Variants in CBL observed in about 807,000 individuals in gnomAD.
CBL encodes the protein E3 ubiquitin-protein ligase CBL.
Under a neutral mutation model 96.9 loss-of-function variants are expected in CBL, and 45 were observed. The observed-to-expected ratio is 0.46, with a 90% CI of 0.37 to 0.60. The LOEUF (loss-of-function observed/expected upper bound fraction) is 0.60, where lower values mean the gene tolerates loss of function less well. Ranked by LOEUF, CBL falls within the 20% of genes least tolerant of loss-of-function variation. The pLI is 0.00. For synonymous variants in CBL, 420 were observed against 426.8 expected (o/e 0.98, Z 0.20); for missense variants, 1,024 against 1,143.5 (o/e 0.90, Z 1.51).
intron 1 of CBL, among the ~76,000 whole-genome samples, chr11:119,214,656 G>GT (rs1308131319): frequency 6.6e-6 from 1 of 152,202 alleles, no homozygotes; most frequent in Admixed American, 6.5e-5. Flanking sequence ...ATGTGTGCTA[G>GT]TTACTTTGTG....
At chr11:119,254,996 T>C (rs1290089903) in intron 2 of CBL, among the ~76,000 whole-genome samples, 1 of 152,154 alleles carries the variant, frequency 6.6e-6, no homozygotes. Flanking sequence ...TAGGAGCAGG[T>C]ACACAGTTCT....
chr11:119,238,894 A>G (rs1949565209), intron 2 of CBL, among the ~76,000 whole-genome samples: 1 of 152,118 alleles, frequency 6.6e-6, no homozygotes, highest in Non-Finnish European at 1.5e-5. Flanking sequence ...CATTTTGGGG[A>G]TTACTGCCAT....
At chr11:119,235,442 TA>T (rs1442888567) in intron 2 of CBL, among the ~76,000 whole-genome samples, 1 of 152,170 alleles carries the variant, frequency 6.6e-6, no homozygotes, top group Non-Finnish European at 1.5e-5. Flanking sequence ...ATAAGGAAGA[TA>T]AAACATTTAT....
At chr11:119,214,996 G>A (rs1344365607) in intron 1 of CBL, among the ~76,000 whole-genome samples, 1 of 149,222 alleles carries the variant, frequency 6.7e-6, no homozygotes, top group African/African-American at 2.5e-5. Flanking sequence ...TGTAAAACAT[G>A]ATTTGTGTTT....
intron 12 of CBL, among the ~76,000 whole-genome samples, chr11:119,292,232 A>C (rs1950032470): frequency 6.6e-6 from 1 of 152,058 alleles, no homozygotes; most frequent in Admixed American, 6.5e-5. Flanking sequence ...GATATGTTTA[A>C]TCAGTTTTAG....
intron 2 of CBL, 142 bp downstream of exon 2, chr11:119,232,837 A>G: frequency 1.2e-6 from 1 of 861,472 alleles, no homozygotes; most frequent in Non-Finnish European, 1.9e-6. Flanking sequence ...TAGTTTATAT[A>G]AAAGGTTGCC....
rs977724320 is a variant in CBL, at chr11:119,302,357, C to A, written c.*2576C>A. 4.3e-6 allele frequency: 1 copy of A among 232,616 alleles called. No homozygotes were observed. Among genetic ancestry groups the A allele is most frequent in the East Asian group, 6.0e-5 (1 of 16,548 alleles). 14.4% of individuals were successfully genotyped at this position (232,616 alleles called of 1,614,324 possible). ...GAGGTTATTCTCAAAACCTTAATTT[C>A]TTATATTTTCTGTTGACTAAGGCAC... On this transcript the variant is annotated 3_prime_UTR_variant, in exon 16 of 16. Coordinates refer to ENST00000264033, the MANE Select transcript of CBL (RefSeq NM_005188.4).
chr11:119,225,730 T>TTC (rs1565858005), intron 1 of CBL, among the ~76,000 whole-genome samples: 1 of 144,660 alleles, frequency 6.9e-6, no homozygotes, highest in African/African-American at 2.6e-5. Flanking sequence ...TTTTCTTTTT[T>TTC]TTTTTTTTTT....
intron 2 of CBL, among the ~76,000 whole-genome samples, chr11:119,265,623 C>A (rs1949796282): frequency 6.6e-6 from 1 of 152,176 alleles, no homozygotes; most frequent in South Asian, 2.1e-4. Context: ...CGGTAGCTCA[C>A]ACCTGTAATC....
Position 119,298,408 on chromosome 11 carries a change from G to C in CBL, c.2302G>C (p.Glu768Gln), listed in dbSNP as rs2135321013. 2 of 1,614,236 alleles carry C rather than the reference G, an allele frequency of 1.2e-6. No homozygotes were observed. The highest frequency in any genetic ancestry group is 2.2e-5 in the East Asian group (1 of 44,886). Residue 768 changes from glutamate to glutamine, a missense_variant, in exon 15 of 16, where the codon GAA becomes CAA. Glu to Gln is a conservative substitution (Grantham distance 29). Around this residue, in one of 4 missense-constraint regions of CBL, gnomAD observed 695 missense variants for 661.6 expected, o/e 1.05. Transcript: ENST00000264033. ...AHANTGPEESENEDDGYDVPK... is the reference protein window; with the variant it reads ...AHANTGPEESQNEDDGYDVPK... ...TGCCAACACTGGTCCCGAGGAGTCA[G>C]AAAATGAGGATGATGGGTATGATGT...
chr11:119,225,797 A>G (rs2135261028), intron 1 of CBL, among the ~76,000 whole-genome samples: 1 of 128,978 alleles, frequency 7.8e-6, no homozygotes, highest in South Asian at 2.4e-4. Flanking sequence ...GTGCTACCTC[A>G]GCTCGCTGCA....
chr11:119,292,039 G>A (rs1331800206), intron 12 of CBL, among the ~76,000 whole-genome samples: 1 of 152,072 alleles, frequency 6.6e-6, no homozygotes, highest in Non-Finnish European at 1.5e-5. Context: ...TTTTAGTAGA[G>A]ATGGGGTTTC....
intron 2 of CBL, among the ~76,000 whole-genome samples, chr11:119,239,966 C>T (rs368818671): frequency 5.9e-5 from 9 of 152,122 alleles, no homozygotes; most frequent in African/African-American, 2.2e-4. Context: ...CTTGTTGACT[C>T]ATAAAATTCT....
intron 1 of CBL, among the ~76,000 whole-genome samples, chr11:119,209,763 G>C (rs1024727481): frequency 1.3e-5 from 2 of 152,176 alleles, no homozygotes; most frequent in African/African-American, 4.8e-5. Flanking sequence ...TTAGCACTGG[G>C]AGCTGTTAGT....
chr11:119,308,068 A>C lies in CBL; in HGVS notation c.*8287A>C, dbSNP rs1448583406. The C allele has an allele frequency of 1.1e-5, 2 of 177,476 alleles. No individual in the cohort carries two copies. The highest frequency in any genetic ancestry group is 2.4e-5 in the Non-Finnish European group (2 of 82,174). 11.0% of individuals were successfully genotyped at this position (177,476 alleles called of 1,614,324 possible). The stretch of plus-strand genomic sequence containing the variant: ...TTAATTTTTTTTCATTTCCATACAC[A>C]GTTAGTTAACTAAAGAGCTTTTTCA... On this transcript the variant is annotated 3_prime_UTR_variant, in exon 16 of 16. Transcript: ENST00000264033.
chr11:119,210,645 C>T (rs1949309194), intron 1 of CBL, among the ~76,000 whole-genome samples: 1 of 118,834 alleles, frequency 8.4e-6, no homozygotes, highest in Middle Eastern at 5.2e-3. Flanking sequence ...GACGGATTTT[C>T]ACCATGTTGG....
chr11:119,229,957 T>C (rs1414536077), intron 1 of CBL, among the ~76,000 whole-genome samples: 1 of 152,074 alleles, frequency 6.6e-6, no homozygotes, highest in East Asian at 1.9e-4. Context: ...AATAATCTGA[T>C]GTATAGAAGA....
intron 2 of CBL, among the ~76,000 whole-genome samples, chr11:119,255,940 G>T (rs12295934): frequency 0.032 from 4,803 of 150,554 alleles, 263 homozygotes; most frequent in African/African-American, 0.11. Flanking sequence ...TTACTGTGTT[G>T]CCCAGGCTGG....
rs946990277 is a variant in CBL at position 119,307,341 on chromosome 11, G to A, written c.*7560G>A. The A allele has an allele frequency of 2.6e-5, 6 of 232,568 alleles. No homozygotes were observed. Among genetic ancestry groups the A allele is most frequent in the Non-Finnish European group, 4.2e-5 (5 of 117,688 alleles). The allele number at this position is 232,568 out of a possible 1,614,324, so 14.4% of individuals were successfully genotyped here. A position where few individuals can be genotyped will look rare whatever the true frequency, so the allele number is the denominator to read the frequency against. On this transcript the variant is annotated 3_prime_UTR_variant, in exon 16 of 16. Coordinates refer to ENST00000264033, the MANE Select transcript of CBL (RefSeq NM_005188.4). ...ATGACATTAATTACCTAGTTGTGTCGAGGAGTATAGGATGGACTCTCCTGA... is the reference window on the plus strand; with the variant it reads ...ATGACATTAATTACCTAGTTGTGTCAAGGAGTATAGGATGGACTCTCCTGA...
Sources: gnomAD v4.1 joint callset for allele counts (sites outside exome capture counted in the v4.1 genomes callset) on GRCh38, gnomAD v4.1.1 for gene constraint, gnomAD v4.1.1 regional missense constraint, MANE v1.5 for transcripts, NCBI Gene and HGNC (gene_info 2026-07-23, HGNC 2026-07-21) for gene names.